REPS2: variants seen among roughly 807,000 people sequenced by gnomAD.
REPS2 encodes the protein ralBP1-associated Eps domain-containing protein 2.
REPS2 carries 23 observed loss-of-function variants against 53.6 expected under a neutral mutation model. That is an observed-to-expected ratio of 0.43 (90% confidence interval 0.31 to 0.61). REPS2 has a LOEUF of 0.61. REPS2 is among the 20% of genes least tolerant of loss of function. The probability of loss-of-function intolerance (pLI) is 0.11; values close to 1 mark genes in which losing one functional copy is unlikely to be tolerated. For missense variants in REPS2, 446 were observed against 534.9 expected, an observed-to-expected ratio of 0.83 and a Z score of 1.64; for synonymous variants, 238 against 218.6, an observed-to-expected ratio of 1.09 and a Z score of -0.78.
intron 14 of REPS2, among the ~76,000 whole-genome samples, chrX:17,118,121 G>A (rs1347954562): frequency 1.9e-5 from 2 of 103,219 alleles, no homozygotes; most frequent in East Asian, 3.1e-4. Flanking sequence ...CACTACGCCC[G>A]GCTAATTTTT....
chrX:17,011,333 G>A (rs1764759014), intron 2 of REPS2, among the ~76,000 whole-genome samples: 1 of 111,356 alleles, frequency 9.0e-6, no homozygotes, highest in Non-Finnish European at 1.9e-5. Context: ...TTAAGGACTG[G>A]TAGAGAATTT....
chrX:17,138,256 T>C (rs1213910479), intron 16 of REPS2: 1 of 112,274 alleles, frequency 8.9e-6, no homozygotes, highest in Non-Finnish European at 1.9e-5. Flanking sequence ...TTGTTGTTAA[T>C]TGGGAAATAC....
chrX:16,976,015 A>G (rs1303827743), intron 1 of REPS2, among the ~76,000 whole-genome samples: 2 of 111,971 alleles, frequency 1.8e-5, no homozygotes, highest in Non-Finnish European at 3.8e-5. Context: ...AACCATCACT[A>G]CCATCCATCT....
At chrX:16,953,976 C>G (rs1159461386) in intron 1 of REPS2, among the ~76,000 whole-genome samples, 4 of 110,878 alleles carry the variant, frequency 3.6e-5, no homozygotes, top group Non-Finnish European at 1.9e-5. Context: ...TTTTTTGAGA[C>G]AGGGTCTTGC....
intron 14 of REPS2, among the ~76,000 whole-genome samples, chrX:17,117,587 C>T (rs979719471): frequency 6.3e-5 from 7 of 111,055 alleles, no homozygotes; most frequent in South Asian, 3.8e-4. Context: ...ATCCATGTCC[C>T]TACAAAGGAC....
chrX:16,981,692 C>T (rs778759657), intron 1 of REPS2, among the ~76,000 whole-genome samples: 2 of 112,009 alleles, frequency 1.8e-5, no homozygotes, highest in East Asian at 5.6e-4. Flanking sequence ...TATCCTTACC[C>T]GTAGGCAAAA....
intron 1 of REPS2, among the ~76,000 whole-genome samples, chrX:16,985,763 T>C (rs920607756): frequency 1.8e-5 from 2 of 111,857 alleles, no homozygotes; most frequent in Middle Eastern, 4.6e-3. Flanking sequence ...GCTGGTCTGG[T>C]CATTAATACA....
chrX:17,018,212 CTTTTT>C (rs200578522), intron 2 of REPS2, among the ~76,000 whole-genome samples: 1 of 92,295 alleles, frequency 1.1e-5, no homozygotes, highest in South Asian at 5.1e-4. Flanking sequence ...TGGCAACTGC[CTTTTT>C]TTTTTTTTTT....
intron 6 of REPS2, among the ~76,000 whole-genome samples, chrX:17,050,988 G>A (rs999870859): frequency 5.4e-5 from 6 of 110,625 alleles, no homozygotes; most frequent in Non-Finnish European, 9.5e-5. Flanking sequence ...AGCAATCCCC[G>A]CCTCGCCCCT....
chrX:17,084,193 G>C (rs1201052485), intron 13 of REPS2, among the ~76,000 whole-genome samples: 1 of 110,939 alleles, frequency 9.0e-6, no homozygotes, highest in African/African-American at 3.3e-5. Flanking sequence ...TTTGTGACTG[G>C]CTTCATTCAC....
In REPS2 at chrX:17,150,178, G is replaced by A. The variant is rs755086760; in HGVS notation, c.*2697G>A. 5.3e-5 allele frequency: 6 copies of A among 112,410 alleles called. No individual in the cohort carries two copies. The highest frequency in any genetic ancestry group is 2.8e-4 in the East Asian group (1 of 3,568). 9.3% of individuals were successfully genotyped at this position (112,410 alleles called of 1,213,427 possible). A position where few individuals can be genotyped will look rare whatever the true frequency, so the allele number is the denominator to read the frequency against. On this transcript the variant is annotated 3_prime_UTR_variant, in exon 18 of 18. Coordinates refer to ENST00000357277, the MANE Select transcript of REPS2 (RefSeq NM_004726.3). Reference sequence around the variant, plus strand: ...GTGCACTTTAATTTAGGATTGTAACGCCTAATAATATTTCTGTGAGCCTTT... The same window carrying A: ...GTGCACTTTAATTTAGGATTGTAACACCTAATAATATTTCTGTGAGCCTTT...
In REPS2 at chrX:16,950,188, C is replaced by T. The variant is rs192093207; in HGVS notation, c.273+3054C>T. 2.1e-3 allele frequency among the ~76,000 whole-genome samples: 230 copies of T among 110,516 alleles called. 1 individual carries two copies. Among genetic ancestry groups the T allele is most frequent in the Admixed American group, 7.2e-3 (74 of 10,349 alleles). ...CATGTAGTACTATGCACTTAAAATTCCTTCATGTCTTTTTATGGTTTGGTG... is the reference window on the plus strand; with the variant it reads ...CATGTAGTACTATGCACTTAAAATTTCTTCATGTCTTTTTATGGTTTGGTG... On this transcript the variant is annotated intron_variant, in intron 1 of 17. Coordinates refer to ENST00000357277, the MANE Select transcript of REPS2 (RefSeq NM_004726.3).
intron 13 of REPS2, among the ~76,000 whole-genome samples, chrX:17,087,630 A>C (rs1284394369): frequency 8.9e-6 from 1 of 111,997 alleles, no homozygotes; most frequent in Non-Finnish European, 1.9e-5. Flanking sequence ...ACTGTATGTC[A>C]CATTTTAAAA....
chrX:17,066,579 A>T (rs1176932220), intron 9 of REPS2, among the ~76,000 whole-genome samples: 1 of 112,498 alleles, frequency 8.9e-6, no homozygotes, highest in Non-Finnish European at 1.9e-5. Context: ...GTAGACTTTG[A>T]ATAGAAAATT....
At chrX:17,187,344 G>A in the REPS2 span, among the ~76,000 whole-genome samples, 1 of 112,047 alleles carries the variant, frequency 8.9e-6, no homozygotes, top group Admixed American at 9.4e-5. Flanking sequence ...CAGCCAAGAA[G>A]AGGGAAGGAG....
At chrX:16,963,942 T>C (rs2060698515) in intron 1 of REPS2, among the ~76,000 whole-genome samples, 1 of 111,065 alleles carries the variant, frequency 9.0e-6, no homozygotes, top group South Asian at 3.8e-4. Flanking sequence ...CTCACACATA[T>C]AGCCAAGGAT....
intron 1 of REPS2, among the ~76,000 whole-genome samples, chrX:17,003,069 A>C: frequency 1.8e-5 from 2 of 111,891 alleles, no homozygotes; most frequent in Middle Eastern, 4.6e-3. Flanking sequence ...GGCATAGTAA[A>C]GTATGAGTCC....
At chrX:17,103,190 C>T (rs1188561865) in intron 13 of REPS2, among the ~76,000 whole-genome samples, 5 of 111,688 alleles carry the variant, frequency 4.5e-5, no homozygotes, top group Admixed American at 9.5e-5. Context: ...CCCTAAATAT[C>T]ATTTCAGTCT....
chrX:17,074,379 C>T, intron 12 of REPS2: 1 of 347,937 alleles, frequency 2.9e-6, no homozygotes, highest in South Asian at 7.8e-5. Context: ...CCATGAATGC[C>T]CTACGGCCCC....
Sources: allele counts gnomAD v4.1 joint callset (sites outside exome capture counted in the v4.1 genomes callset), GRCh38; gene constraint gnomAD v4.1.1; transcripts MANE v1.5; gene names NCBI Gene and HGNC (gene_info 2026-07-23, HGNC 2026-07-21).